The following DNAAF5 variants were observed in gnomAD, a reference collection of about 807,000 sequenced individuals.
DNAAF5 encodes dynein axonemal assembly factor 5.
In DNAAF5, 64 loss-of-function variants were observed where a neutral mutation model predicts 75.8. That is an observed-to-expected ratio of 0.84 (90% confidence interval 0.69 to 1.04). The LOEUF is 1.04. Ranked by LOEUF, DNAAF5 falls within the 50% of genes least tolerant of loss-of-function variation. DNAAF5 has a pLI of 0.00. For synonymous variants in DNAAF5, 657 were observed against 557.2 expected, an observed-to-expected ratio of 1.18 and a Z score of -2.52; for missense variants, 1,269 against 1,178.5, an observed-to-expected ratio of 1.08 and a Z score of -1.12.
intron 4 of DNAAF5, among the ~76,000 whole-genome samples, chr7:743,557 A>AAAGC (rs66871340): frequency 0.78 from 118,213 of 151,286 alleles, 46,499 homozygotes; most frequent in South Asian, 0.87. Flanking sequence ...CTGTACAGGG[A>AAAGC]AAGCACACAT....
intron 7 of DNAAF5, 22 bp from the exon 8 acceptor site, chr7:763,784 G>T: frequency 6.2e-7 from 1 of 1,611,868 alleles, no homozygotes; most frequent in Non-Finnish European, 8.5e-7. Context: ...AATTGTCTCA[G>T]TCTCTGACTT....
At chr7:760,637 A>C (rs1234300469) in intron 6 of DNAAF5, among the ~76,000 whole-genome samples, 1 of 152,196 alleles carries the variant, frequency 6.6e-6, no homozygotes, top group East Asian at 1.9e-4. Flanking sequence ...GCGACAGAGC[A>C]AGACCCTGTC....
intron 10 of DNAAF5, 23 bp from the exon 11 acceptor site, chr7:774,983 T>G (rs1192357715): frequency 6.2e-7 from 1 of 1,613,252 alleles, no homozygotes. Flanking sequence ...GTGAGTCACG[T>G]CGTATGTGTT....
Position 726,820 on chromosome 7 carries a change from C to T in DNAAF5, c.100C>T (p.Leu34=). 2 of 1,325,402 alleles carry T rather than the reference C, an allele frequency of 1.5e-6. No homozygotes were observed. Among genetic ancestry groups the T allele is most frequent in the Non-Finnish European group, 1.9e-6 (2 of 1,040,940 alleles). The allele number at this position is 1,325,402 out of a possible 1,614,324, so 82.1% of individuals were successfully genotyped here. A position where few individuals can be genotyped will look rare whatever the true frequency, so the allele number is the denominator to read the frequency against. Residue 34 remains leucine (L), a synonymous_variant, in exon 1 of 13, where the codon CTG becomes TTG. Transcript: ENST00000297440. ...AVELSRALSR[L]LPGLEADSKP... is the part of the protein sequence containing the mutation. ...GGAGCTGAGCCGCGCCCTGAGCCGCCTGCTGCCGGGGCTGGAGGCCGACAG... is the reference window on the plus strand; with the variant it reads ...GGAGCTGAGCCGCGCCCTGAGCCGCTTGCTGCCGGGGCTGGAGGCCGACAG...
rs200574954 is a variant in DNAAF5 at position 754,797 on chromosome 7, C to A, written c.1233C>A (p.Asp411Glu). ...VLRTLFQACT[D>E]EEAAVVQSCT... is the part of the protein sequence containing the mutation. ...GGACCCTGTTCCAGGCCTGCACCGA[C>A]GAGGAGGCAGCCGTGGTCCAAAGTG... The change falls in exon 5 of 13, where the codon GAC (aspartate) becomes GAA (glutamate). Residue 411 changes from aspartate to glutamate, a missense_variant. Coordinates refer to ENST00000297440, the MANE Select transcript of DNAAF5 (RefSeq NM_017802.4). The surrounding 1 kb of genome is among the most constrained non-coding windows in gnomAD (Gnocchi z 4.8). The A allele has an allele frequency of 5.6e-6, 9 of 1,606,720 alleles. No individual in the cohort carries two copies. The East Asian group carries it at 2.0e-4, about 36-fold the overall frequency.
Position 726,810 on chromosome 7 carries a change from C to A in DNAAF5, c.90C>A (p.Ala30=). 1 of 1,322,508 alleles carries A rather than the reference C, an allele frequency of 7.6e-7. No individual in the cohort carries two copies. The highest frequency in any genetic ancestry group is 2.1e-5 in the South Asian group (1 of 48,034). 81.9% of individuals were successfully genotyped at this position (1,322,508 alleles called of 1,614,324 possible). ...CTGAGGCGGTGGAGCTGAGCCGCGC[C>A]CTGAGCCGCCTGCTGCCGGGGCTGG... ...ETAEAVELSR[A]LSRLLPGLEA... Residue 30 remains alanine, a synonymous_variant, in exon 1 of 13, where the codon GCC becomes GCA. Coordinates refer to ENST00000297440, the MANE Select transcript of DNAAF5 (RefSeq NM_017802.4).
At chr7:767,522 G>A (rs573243674) in intron 8 of DNAAF5, among the ~76,000 whole-genome samples, 2 of 152,302 alleles carry the variant, frequency 1.3e-5, no homozygotes, top group South Asian at 2.1e-4. Context: ...TACCTCATAC[G>A]AAGTTAAATA....
chr7:727,835 C>T (rs1264545478), intron 1 of DNAAF5, among the ~76,000 whole-genome samples: 1 of 150,088 alleles, frequency 6.7e-6, no homozygotes, highest in Non-Finnish European at 1.5e-5. Context: ...CTCCACCCCA[C>T]CCGGGCCCAC....
At chr7:773,718 A>G (rs1001131851) in intron 9 of DNAAF5, among the ~76,000 whole-genome samples, 2 of 152,128 alleles carry the variant, frequency 1.3e-5, no homozygotes, top group African/African-American at 2.4e-5. Flanking sequence ...GGCGTCACTC[A>G]GGCCTCCTTT....
Position 770,587 on chromosome 7 carries a change from C to T in DNAAF5, c.1900C>T (p.Leu634Phe). The change falls in exon 9 of 13, where the codon CTC becomes TTC. Residue 634 changes from leucine to phenylalanine, a missense_variant. Physicochemically the swap from Leu to Phe is conservative, Grantham distance 22. Transcript: ENST00000297440. ...KLFSILSTVL[L>F]RATDTINSQG... ...GTTCTCCATCCTGTCCACCGTGCTGCTCAGAGCCACGGACACCATCAACTC... is the reference window on the plus strand; with the variant it reads ...GTTCTCCATCCTGTCCACCGTGCTGTTCAGAGCCACGGACACCATCAACTC... 1 of 1,613,808 alleles carries T rather than the reference C, an allele frequency of 6.2e-7. No homozygotes were observed. Among genetic ancestry groups the T allele is most frequent in the Non-Finnish European group, 8.5e-7 (1 of 1,179,984 alleles).
Position 748,311 on chromosome 7 carries a change from C to T in DNAAF5, c.1025-6278C>T, listed in dbSNP as rs112624785. Among the ~76,000 whole-genome samples, 17 of 144,300 alleles carry T rather than the reference C, an allele frequency of 1.2e-4. No individual in the cohort carries two copies. In the South Asian group the frequency reaches 1.6e-3, roughly 14 times the overall value. 94.7% of individuals were successfully genotyped at this position (144,300 alleles called of 152,430 possible). ...TGTTGGTGGGGTTTGCTGGTTTCAG[C>T]GTGTCCGGCTAGTGTGCAGTGGTGG... On this transcript the variant is annotated intron_variant, in intron 4 of 12. Coordinates refer to ENST00000297440, the MANE Select transcript of DNAAF5 (RefSeq NM_017802.4).
rs147306075 is a variant in DNAAF5 at position 751,939 on chromosome 7, CTGAT to C, written c.1025-2647_1025-2644del. 7.8e-3 allele frequency among the ~76,000 whole-genome samples: 1,186 copies of C among 152,278 alleles called. 16 individuals carry two copies. Among genetic ancestry groups the C allele is most frequent in the African/African-American group, 0.027 (1,110 of 41,564 alleles). On this transcript the variant is annotated intron_variant, in intron 4 of 12. Coordinates refer to ENST00000297440, the MANE Select transcript of DNAAF5 (RefSeq NM_017802.4). ...AGGCTTTTCTGTAGAAATCGACAAA[CTGAT>C]TGTGAAATTCTCGTGGGCGTGCAAA...
chr7:752,603 T>C (rs1244842411), intron 4 of DNAAF5, among the ~76,000 whole-genome samples: 1 of 146,866 alleles, frequency 6.8e-6, no homozygotes, highest in Non-Finnish European at 1.5e-5. Context: ...CAGGCCACGC[T>C]TCCCTGGGTG....
At chr7:774,917 C>T in intron 10 of DNAAF5, 89 bp from the exon 11 acceptor site, 1 of 1,138,286 alleles carries the variant, frequency 8.8e-7, no homozygotes, top group Admixed American at 1.8e-5. Context: ...CCCCCTAAGT[C>T]CTTCCAGGCA....
intron 2 of DNAAF5, among the ~76,000 whole-genome samples, chr7:738,891 C>T (rs938157145): frequency 6.6e-6 from 1 of 152,246 alleles, no homozygotes; most frequent in African/African-American, 2.4e-5. Context: ...CGCAGAGACC[C>T]TGGCACACAG....
chr7:740,650 C>T (rs542313380), intron 2 of DNAAF5, among the ~76,000 whole-genome samples, 169 bp from the exon 3 acceptor site: 227 of 152,330 alleles, frequency 1.5e-3, no homozygotes, highest in African/African-American at 5.1e-3. Flanking sequence ...ACCCCGGCCA[C>T]GCGCCTCTGT....
chr7:741,300 CT>C (rs1781901358), intron 3 of DNAAF5, 46 bp from the exon 4 acceptor site: 2 of 1,440,856 alleles, frequency 1.4e-6, no homozygotes, highest in South Asian at 1.2e-5. Context: ...GCGGCCTCCC[CT>C]GCGTGCCCTG....
Position 774,066 on chromosome 7 carries a change from C to T in DNAAF5, c.1950C>T (p.Leu650=), listed in dbSNP as rs755182384. Residue 650 remains leucine, a synonymous_variant, in exon 10 of 13, where the codon CTC becomes CTT. Coordinates refer to ENST00000297440, the MANE Select transcript of DNAAF5 (RefSeq NM_017802.4). ...INSQGQFPSY[L]ETVTKDILAP... ...GTTCCAGGCAGTTTCCCAGCTACCT[C>T]GAGACGGTGACAAAGGACATCCTGG... 3 of 1,614,078 alleles carry T rather than the reference C, an allele frequency of 1.9e-6. No homozygotes were observed. The highest frequency in any genetic ancestry group is 1.1e-5 in the South Asian group (1 of 91,084).
intron 6 of DNAAF5, among the ~76,000 whole-genome samples, chr7:757,372 A>G (rs1782520114): frequency 6.6e-6 from 1 of 152,200 alleles, no homozygotes; most frequent in Non-Finnish European, 1.5e-5. Flanking sequence ...CCTCTGGCCC[A>G]TGCTGCTGGG....
Sources: gnomAD v4.1 joint callset for allele counts (sites outside exome capture counted in the v4.1 genomes callset) on GRCh38, gnomAD v4.1.1 for gene constraint, Gnocchi (gnomAD v3.1) non-coding constraint, MANE v1.5 for transcripts, NCBI Gene and HGNC (gene_info 2026-07-23, HGNC 2026-07-21) for gene names.